Variants in NDUFAF6 observed in about 807,000 individuals in gnomAD.
The protein encoded by NDUFAF6 is NADH dehydrogenase (ubiquinone) complex I, assembly factor 6.
In NDUFAF6, 45 loss-of-function variants were observed where a neutral mutation model predicts 40.8. The observed-to-expected ratio is 1.10, with a 90% CI of 0.87 to 1.42. The LOEUF (loss-of-function observed/expected upper bound fraction) is 1.42. Ranked by LOEUF, NDUFAF6 falls within the 40% of genes most tolerant of loss-of-function variation. The pLI is 0.00. For missense variants in NDUFAF6, 435 were observed against 418.5 expected (o/e 1.04, Z -0.34); for synonymous variants, 185 against 155.9 (o/e 1.19, Z -1.39).
chr8:94,962,124 A>G (rs563646148), intron 1 of NDUFAF6, among the ~76,000 whole-genome samples: 14 of 152,334 alleles, frequency 9.2e-5, no homozygotes, highest in African/African-American at 3.4e-4. Context: ...TGCTTTCCTG[A>G]TGAAAAGGGA....
At chr8:95,021,227 CCG>C (rs1827681316), upstream of NDUFAF6, among the ~76,000 whole-genome samples, 1 of 151,926 alleles carries the variant, frequency 6.6e-6, no homozygotes, top group South Asian at 2.1e-4. Flanking sequence ...TCTGTAGAGG[CCG>C]TAGGTGGCTG....
At chr8:95,045,427 AATAAC>A (rs1830625955) in intron 4 of NDUFAF6, 113 bp from the exon 5 acceptor site, 1 of 718,434 alleles carries the variant, frequency 1.4e-6, no homozygotes, top group African/African-American at 1.8e-5. Flanking sequence ...TTGTGTACTA[AATAAC>A]ATATACTGAA....
chr8:94,956,392 G>T (rs1823074581), upstream of NDUFAF6, among the ~76,000 whole-genome samples: 1 of 152,166 alleles, frequency 6.6e-6, no homozygotes, highest in Non-Finnish European at 1.5e-5. Flanking sequence ...TCAGTGACTA[G>T]TAGCAGAAGG....
intron 1 of NDUFAF6, among the ~76,000 whole-genome samples, chr8:94,970,555 C>T (rs1013133395): frequency 6.6e-6 from 1 of 151,984 alleles, no homozygotes; most frequent in African/African-American, 2.4e-5. Context: ...CTTGCCATTG[C>T]ACTCCCGCCT....
chr8:95,025,027 G>T lies in NDUFAF6; in HGVS notation c.19G>T (p.Gly7Cys), dbSNP rs1382558300. 3 of 1,353,810 alleles carry T rather than the reference G, an allele frequency of 2.2e-6. No homozygotes were observed. Among genetic ancestry groups the T allele is most frequent in the South Asian group, 3.9e-5 (2 of 51,714 alleles). The allele number at this position is 1,353,810 out of a possible 1,614,324, so 83.9% of individuals were successfully genotyped here. The change falls in exon 1 of 9, where the codon GGC becomes TGC. Residue 7 changes from glycine (G) to cysteine (C), a missense_variant. Transcript: ENST00000396124. ...CGGCGTCATGGCGGCCTCCGCGCAC[G>T]GCTCTGTCTGGGGGCCGTTGCGGCT... Reference protein sequence around the residue: MAASAHGSVWGPLRLGI... With the variant: MAASAHCSVWGPLRLGI...
rs1274895136 is a variant in NDUFAF6 at position 95,025,041 on chromosome 8, G to A, written c.33G>A (p.Gly11=). Reference sequence around the variant, plus strand: ...CCTCCGCGCACGGCTCTGTCTGGGGGCCGTTGCGGCTTGGCATCCCCGGCC... The same window carrying A: ...CCTCCGCGCACGGCTCTGTCTGGGGACCGTTGCGGCTTGGCATCCCCGGCC... MAASAHGSVW[G]PLRLGIPGLC... Residue 11 remains glycine (G), a synonymous_variant, in exon 1 of 9, where the codon GGG becomes GGA. Coordinates refer to ENST00000396124, the MANE Select transcript of NDUFAF6 (RefSeq NM_152416.4). 2.1e-6 allele frequency: 3 copies of A among 1,416,492 alleles called. No homozygotes were observed. Among genetic ancestry groups the A allele is most frequent in the Admixed American group, 3.2e-5 (1 of 31,022 alleles). 87.7% of individuals were successfully genotyped at this position (1,416,492 alleles called of 1,614,324 possible). A position where few individuals can be genotyped will look rare whatever the true frequency, so the allele number is the denominator to read the frequency against.
intron 2 of NDUFAF6, among the ~76,000 whole-genome samples, chr8:95,006,716 C>T (rs1827003399): frequency 6.6e-6 from 1 of 151,920 alleles, no homozygotes; most frequent in South Asian, 2.1e-4. Context: ...TCCGTCTCTA[C>T]AAAAAATACA....
At chr8:94,995,705 C>T (rs1826396943) in intron 2 of NDUFAF6, among the ~76,000 whole-genome samples, 1 of 152,210 alleles carries the variant, frequency 6.6e-6, no homozygotes, top group Non-Finnish European at 1.5e-5. Flanking sequence ...GAACTCATTC[C>T]AGTTTCAGCT....
At chr8:95,075,241 A>G (rs557910682) in intron 9 of NDUFAF6, among the ~76,000 whole-genome samples, 1 of 152,370 alleles carries the variant, frequency 6.6e-6, no homozygotes, top group East Asian at 1.9e-4. Flanking sequence ...CATGGACACA[A>G]GACGTGACAA....
chr8:95,079,336 G>T (rs974590567), downstream of NDUFAF6, among the ~76,000 whole-genome samples: 10 of 152,040 alleles, frequency 6.6e-5, no homozygotes. Context: ...AAAATATTTT[G>T]TAAAATTTGC....
upstream of NDUFAF6, among the ~76,000 whole-genome samples, chr8:94,954,819 C>G (rs1247811516): frequency 6.6e-6 from 1 of 152,176 alleles, no homozygotes. Context: ...GTTTTGCTGT[C>G]TTTTTGGCTT....
In NDUFAF6 at chr8:95,025,143, C is replaced by T; in HGVS notation, c.135C>T (p.Ser45=). The change falls in exon 1 of 9, where the codon AGC becomes AGT. Residue 45 remains serine, a synonymous_variant. Transcript: ENST00000396124. Reference sequence around the variant, plus strand: ...CCGGGCCGGAGGTGTCTGGGCGGAGCGTGGCTGCGGCCAGCGGACCGGGCG... The same window carrying T: ...CCGGGCCGGAGGTGTCTGGGCGGAGTGTGGCTGCGGCCAGCGGACCGGGCG... ...RLPGPEVSGR[S]VAAASGPGAW... 1.3e-6 allele frequency: 2 copies of T among 1,486,002 alleles called. No individual in the cohort carries two copies. Among genetic ancestry groups the T allele is most frequent in the Non-Finnish European group, 8.9e-7 (1 of 1,128,184 alleles). 92.1% of individuals were successfully genotyped at this position (1,486,002 alleles called of 1,614,324 possible). A position where few individuals can be genotyped will look rare whatever the true frequency, so the allele number is the denominator to read the frequency against.
chr8:95,082,085 A>C (rs935925532), intron 2 of NDUFAF6, among the ~76,000 whole-genome samples: 6 of 152,296 alleles, frequency 3.9e-5, no homozygotes, highest in African/African-American at 4.8e-5. Context: ...ACAAAAAAAA[A>C]AAAACTCCTG....
intron 5 of NDUFAF6, chr8:95,116,164 A>G: frequency 6.3e-6 from 1 of 158,902 alleles, no homozygotes; most frequent in Non-Finnish European, 1.4e-5. Flanking sequence ...AAACAAAACC[A>G]AAAAAACGAA....
At chr8:94,920,386 T>G (rs570610744) in intron 1 of NDUFAF6, among the ~76,000 whole-genome samples, 40 of 152,328 alleles carry the variant, frequency 2.6e-4, no homozygotes, top group African/African-American at 9.6e-4. Context: ...TCACTCTACC[T>G]TCAAGATGGC....
intron 2 of NDUFAF6, among the ~76,000 whole-genome samples, chr8:94,997,341 CACAGAGAG>C (rs1445711143): frequency 0.022 from 1,984 of 91,818 alleles, 14 homozygotes; most frequent in Non-Finnish European, 0.033. Context: ...CACACACACA[CACAGAGAG>C]AGAGAGAGAG....
downstream of NDUFAF6, among the ~76,000 whole-genome samples, chr8:95,062,518 A>G (rs1199583494): frequency 2.6e-5 from 4 of 152,196 alleles, no homozygotes; most frequent in East Asian, 3.9e-4. Context: ...GTCCTCTCCA[A>G]TTGGCCACAG....
intron 2 of NDUFAF6, among the ~76,000 whole-genome samples, chr8:95,012,384 T>C (rs1222959570): frequency 6.6e-6 from 1 of 152,190 alleles, no homozygotes; most frequent in Non-Finnish European, 1.5e-5. Context: ...CCCCTGCCCC[T>C]CAGCTCATAT....
At chr8:95,113,154 G>A (rs1810042980) in intron 4 of NDUFAF6, among the ~76,000 whole-genome samples, 1 of 152,242 alleles carries the variant, frequency 6.6e-6, no homozygotes, top group Admixed American at 6.5e-5. Context: ...CAGAGGAAGG[G>A]CTGGAAACCT....
Sources: gnomAD v4.1 joint callset for allele counts (sites outside exome capture counted in the v4.1 genomes callset) on GRCh38, gnomAD v4.1.1 for gene constraint, MANE v1.5 for transcripts, NCBI Gene and HGNC (gene_info 2026-07-23, HGNC 2026-07-21) for gene names.